CAMK4: variants seen among roughly 807,000 people sequenced by gnomAD.
The protein encoded by CAMK4 is calcium/calmodulin dependent protein kinase IV.
Under a neutral mutation model 44.9 loss-of-function variants are expected in CAMK4, and 22 were observed. That is an observed-to-expected ratio of 0.49 (90% CI 0.35 to 0.70). CAMK4 has a LOEUF of 0.70. Among genes scored for constraint, CAMK4 ranks in the 30% least tolerant of loss-of-function variants. The pLI is 0.01. For synonymous variants in CAMK4, 218 were observed against 215.4 expected (o/e 1.01, Z -0.11); for missense variants, 498 against 586.8 (o/e 0.85, Z 1.56).
chr5:111,376,966 C>G (rs75806769), intron 4 of CAMK4, 24 bp downstream of exon 4: 1 of 1,487,256 alleles, frequency 6.7e-7, no homozygotes, highest in Non-Finnish European at 9.2e-7. Context: ...GGAAATATAA[C>G]CACAGAAAGG....
chr5:111,336,468 A>C (rs1390461567), intron 1 of CAMK4, among the ~76,000 whole-genome samples: 1 of 124,812 alleles, frequency 8.0e-6, no homozygotes, highest in Non-Finnish European at 1.7e-5. Context: ...AATTTCAATT[A>C]ATAATATAGG....
intron 6 of CAMK4, 110 bp downstream of exon 6, chr5:111,446,886 C>A: frequency 1.3e-6 from 1 of 742,294 alleles, no homozygotes; most frequent in South Asian, 1.5e-5. Flanking sequence ...ATTCAGTTTT[C>A]CTGAATAATT....
At chr5:111,227,157 GTAAA>G (rs1561346549) in intron 1 of CAMK4, among the ~76,000 whole-genome samples, 2 of 152,266 alleles carry the variant, frequency 1.3e-5, no homozygotes, top group South Asian at 2.1e-4. Flanking sequence ...AAATTTTTAA[GTAAA>G]TAAACTTAAA....
At chr5:111,310,369 G>T (rs553042672) in intron 1 of CAMK4, among the ~76,000 whole-genome samples, 2 of 152,266 alleles carry the variant, frequency 1.3e-5, no homozygotes, top group South Asian at 4.1e-4. Context: ...GTGCTACATC[G>T]TGAGTAAGAC....
At chr5:111,285,384 GA>G in intron 1 of CAMK4, among the ~76,000 whole-genome samples, 1 of 152,280 alleles carries the variant, frequency 6.6e-6, no homozygotes, top group South Asian at 2.1e-4. Context: ...TGATTTTAAT[GA>G]AAATCAGAAT....
intron 7 of CAMK4, among the ~76,000 whole-genome samples, chr5:111,472,649 G>A (rs577992302): frequency 5.1e-4 from 78 of 152,128 alleles, no homozygotes; most frequent in Non-Finnish European, 7.6e-4. Context: ...TCACAACAGC[G>A]GGCAGAACTA....
intron 4 of CAMK4, among the ~76,000 whole-genome samples, chr5:111,384,516 A>G (rs903959202): frequency 6.6e-6 from 1 of 152,200 alleles, no homozygotes; most frequent in Non-Finnish European, 1.5e-5. Context: ...TCAGCAGTCT[A>G]CTAGGCTTCT....
chr5:111,384,452 G>C (rs527559282), intron 4 of CAMK4, among the ~76,000 whole-genome samples: 1 of 152,214 alleles, frequency 6.6e-6, no homozygotes, highest in Admixed American at 6.5e-5. Flanking sequence ...ACACTCACCT[G>C]TGGCTTGAGC....
chr5:111,262,180 C>CAA (rs200729378), intron 1 of CAMK4, among the ~76,000 whole-genome samples: 121 of 78,104 alleles, frequency 1.5e-3, no homozygotes, highest in African/African-American at 4.9e-3. Context: ...GCTAAACGGG[C>CAA]AAAAAAAAAA....
intron 1 of CAMK4, among the ~76,000 whole-genome samples, chr5:111,226,840 T>C (rs1181730232): frequency 6.6e-6 from 1 of 152,222 alleles, no homozygotes; most frequent in African/African-American, 2.4e-5. Context: ...GAAGTACGAT[T>C]TCTACTGAAT....
At chr5:111,338,116 A>T (rs1031232839) in intron 1 of CAMK4, among the ~76,000 whole-genome samples, 1 of 151,134 alleles carries the variant, frequency 6.6e-6, no homozygotes, top group African/African-American at 2.4e-5. Context: ...TTTTCATTGG[A>T]AATAATTATA....
chr5:111,282,044 G>A (rs374652433), intron 1 of CAMK4, among the ~76,000 whole-genome samples: 5 of 149,570 alleles, frequency 3.3e-5, no homozygotes, highest in Non-Finnish European at 7.4e-5. Flanking sequence ...GGGCGACAGC[G>A]AGACTCCGTC....
chr5:111,451,535 G>A (rs1016579226), intron 7 of CAMK4, among the ~76,000 whole-genome samples: 14 of 152,018 alleles, frequency 9.2e-5, no homozygotes, highest in African/African-American at 3.4e-4. Flanking sequence ...TGATCCTCCA[G>A]CCTCGGCCTC....
In CAMK4 at chr5:111,277,285, A is replaced by G. The variant is rs565498513; in HGVS notation, c.161+52641A>G. 1.1e-4 allele frequency among the ~76,000 whole-genome samples: 17 copies of G among 152,316 alleles called. No individual in the cohort carries two copies. The East Asian group carries it at 2.3e-3, about 21-fold the overall frequency. On this transcript the variant is annotated intron_variant, in intron 1 of 10. Transcript: ENST00000282356. Reference sequence around the variant, plus strand: ...ACACTGGAGTCTAGTAGGAGCTGGAATAAGTCTTTGGCTTGATCTTGTAGC... The same window carrying G: ...ACACTGGAGTCTAGTAGGAGCTGGAGTAAGTCTTTGGCTTGATCTTGTAGC...
intron 1 of CAMK4, among the ~76,000 whole-genome samples, chr5:111,240,049 T>G (rs1748916707): frequency 6.6e-6 from 1 of 152,218 alleles, no homozygotes; most frequent in Non-Finnish European, 1.5e-5. Flanking sequence ...AAAGGAAAGT[T>G]GGGGTAGTTT....
chr5:111,376,992 C>A, intron 4 of CAMK4, 50 bp downstream of exon 4: 3 of 1,145,622 alleles, frequency 2.6e-6, no homozygotes, highest in Non-Finnish European at 2.6e-6. Flanking sequence ...TTTTGGCCAC[C>A]AAAAAATAAT....
At chr5:111,388,349 C>T (rs1012749179) in intron 4 of CAMK4, among the ~76,000 whole-genome samples, 12 of 152,184 alleles carry the variant, frequency 7.9e-5, no homozygotes, top group African/African-American at 2.9e-4. Flanking sequence ...CTTTACTCCA[C>T]CATCTGTGGT....
intron 1 of CAMK4, among the ~76,000 whole-genome samples, chr5:111,298,630 C>T (rs1179850139): frequency 6.6e-6 from 1 of 152,180 alleles, no homozygotes; most frequent in Non-Finnish European, 1.5e-5. Context: ...GTGGTTCTAC[C>T]CCTTGGCAGT....
chr5:111,291,196 G>C (rs58868095), intron 1 of CAMK4, among the ~76,000 whole-genome samples: 2,565 of 152,078 alleles, frequency 0.017, 73 homozygotes, highest in African/African-American at 0.059. Flanking sequence ...TGTTAACACT[G>C]GTCATATCCA....
Sources: gnomAD v4.1 joint callset for allele counts (sites outside exome capture counted in the v4.1 genomes callset) on GRCh38, gnomAD v4.1.1 for gene constraint, MANE v1.5 for transcripts, NCBI Gene and HGNC (gene_info 2026-07-23, HGNC 2026-07-21) for gene names.